ADAMTS9: variants seen among roughly 807,000 people sequenced by gnomAD.
The protein encoded by ADAMTS9 is A disintegrin and metalloproteinase with thrombospondin motifs 9.
ADAMTS9 carries 107 observed loss-of-function variants against 257.1 expected under a neutral mutation model. The observed-to-expected ratio is 0.42, with a 90% confidence interval of 0.36 to 0.49. ADAMTS9 has a LOEUF of 0.49. ADAMTS9 is among the 20% of genes least tolerant of loss of function. The pLI is 0.03. For missense variants in ADAMTS9, 2,353 were observed against 2,469.1 expected (o/e 0.95, Z 1.00); for synonymous variants, 982 against 880.9 (o/e 1.11, Z -2.03).
At chr3:64,604,840 T>C (rs1268168175) in intron 23 of ADAMTS9, among the ~76,000 whole-genome samples, 4 of 152,258 alleles carry the variant, frequency 2.6e-5, no homozygotes, top group Non-Finnish European at 5.9e-5. Context: ...GGCCAATGCC[T>C]GGACTTCATA....
At chr3:64,677,959 A>G (rs1482462474) in intron 3 of ADAMTS9, among the ~76,000 whole-genome samples, 1 of 152,074 alleles carries the variant, frequency 6.6e-6, no homozygotes, top group Non-Finnish European at 1.5e-5. Context: ...TCCCTTTTTA[A>G]CATAAGTTAT....
intron 4 of ADAMTS9, among the ~76,000 whole-genome samples, chr3:64,658,012 G>C (rs1021898274): frequency 3.3e-5 from 5 of 152,138 alleles, no homozygotes; most frequent in Non-Finnish European, 7.4e-5. Context: ...TTCCACAGGT[G>C]ACTATGGTTC....
At chr3:64,538,491 A>C (rs1234439737) in intron 37 of ADAMTS9, among the ~76,000 whole-genome samples, 1 of 151,776 alleles carries the variant, frequency 6.6e-6, no homozygotes, top group Non-Finnish European at 1.5e-5. Context: ...AAAAAAAAAA[A>C]CCTTACCAAT....
rs147410416 is a variant in ADAMTS9 at position 64,566,902 on chromosome 3, A to G, written c.4524+1466T>C. 2.6e-5 allele frequency among the ~76,000 whole-genome samples: 4 copies of G among 152,176 alleles called. 1 individual carries two copies. In the East Asian group the frequency reaches 7.7e-4, roughly 29 times the overall value. Reference sequence around the variant, plus strand: ...TGGAAGTTAACAGATGACAAGGATCACTTAGAAAAACATTAAGAAGGATGA... The same window carrying G: ...TGGAAGTTAACAGATGACAAGGATCGCTTAGAAAAACATTAAGAAGGATGA... On this transcript the variant is annotated intron_variant, in intron 29 of 39. Coordinates refer to ENST00000498707, the MANE Select transcript of ADAMTS9 (RefSeq NM_182920.2).
rs1701932596 is a variant in ADAMTS9, at chr3:64,687,064, C to A, written c.116-96G>T. 1.4e-6 allele frequency: 2 copies of A among 1,423,272 alleles called. No individual in the cohort carries two copies. The highest frequency in any genetic ancestry group is 1.9e-6 in the Non-Finnish European group (2 of 1,051,564). 88.2% of individuals were successfully genotyped at this position (1,423,272 alleles called of 1,614,324 possible). On this transcript the variant is annotated intron_variant, in intron 1 of 39. Transcript: ENST00000498707. This position sits in a 1 kb window ranked among gnomAD's most constrained non-coding sequence, Gnocchi z 4.4. ...GGGGACTTTGTTCTGACCTTATTTT[C>A]CAGCCCATTCGAGTCAATCCCTTCA...
At chr3:64,667,122 G>C (rs1454368029) in intron 3 of ADAMTS9, among the ~76,000 whole-genome samples, 1 of 152,198 alleles carries the variant, frequency 6.6e-6, no homozygotes, top group Non-Finnish European at 1.5e-5. Context: ...GGTGGCAGAA[G>C]AGATTGTGGC....
chr3:64,621,116 C>T lies in ADAMTS9; in HGVS notation c.2811G>A (p.Leu937=), dbSNP rs373590492. The change falls in exon 19 of 40, where the codon CTG becomes CTA. Residue 937 remains leucine (L), a splice_region_variant and synonymous_variant. Coordinates refer to ENST00000498707, the MANE Select transcript of ADAMTS9 (RefSeq NM_182920.2). ...GCCTTGAGAAAACAGTGGCCCACCT[C>T]AGGTCACAGTCTGTACCACAGGGTT... ...ITEPCGTDCD[L]RWHVASRSEC... is the part of the protein sequence containing the mutation. 6.2e-6 allele frequency: 10 copies of T among 1,606,946 alleles called. No homozygotes were observed. Among genetic ancestry groups the T allele is most frequent in the South Asian group, 1.1e-5 (1 of 89,328 alleles).
intron 12 of ADAMTS9, among the ~76,000 whole-genome samples, chr3:64,634,602 C>A (rs1476775397): frequency 1.3e-5 from 2 of 152,172 alleles, no homozygotes; most frequent in Non-Finnish European, 2.9e-5. Flanking sequence ...ATGTATATTC[C>A]AGATGTGATC....
intron 23 of ADAMTS9, among the ~76,000 whole-genome samples, chr3:64,606,738 A>G (rs1018003417): frequency 6.6e-6 from 1 of 152,212 alleles, no homozygotes; most frequent in Non-Finnish European, 1.5e-5. Flanking sequence ...AATAGGAATC[A>G]AAAGCAAATC....
intron 28 of ADAMTS9, among the ~76,000 whole-genome samples, chr3:64,584,961 T>C (rs2084109985): frequency 1.3e-5 from 2 of 152,214 alleles, no homozygotes; most frequent in South Asian, 4.1e-4. Context: ...TTCTTTTTAA[T>C]GATTCCCTTC....
At position 64,631,366 on chromosome 3, in the gene ADAMTS9, G is replaced by C. The variant is rs6768487; in HGVS notation, c.2389+89C>G. On this transcript the variant is annotated intron_variant, in intron 16 of 39. Coordinates refer to ENST00000498707, the MANE Select transcript of ADAMTS9 (RefSeq NM_182920.2). ...AAAATCCATGACATCTGAAAGCTCT[G>C]CCTCTGCATGCCAGAGAAGGAAGGA... 486,457 of 1,035,592 alleles carry C rather than the reference G, an allele frequency of 0.47. 117,745 individuals carry two copies. Among genetic ancestry groups the C allele is most frequent in the African/African-American group, 0.75 (47,648 of 63,308 alleles). The allele number at this position is 1,035,592 out of a possible 1,614,324, so 64.2% of individuals were successfully genotyped here.
Position 64,687,860 on chromosome 3 carries a change from T to C in ADAMTS9, c.-203A>G. On this transcript the variant is annotated 5_prime_UTR_variant, in exon 1 of 40. Coordinates refer to ENST00000498707, the MANE Select transcript of ADAMTS9 (RefSeq NM_182920.2). The surrounding 1 kb of genome is among the most constrained non-coding windows in gnomAD (Gnocchi z 4.4). ...AGCAACGCCGCCGCCTGCCGAGAGC[T>C]GAGCCGCTCGGGCCGCAGGAGGAGC... The C allele has an allele frequency of 2.3e-6, 1 of 438,930 alleles. No individual in the cohort carries two copies. Among genetic ancestry groups the C allele is most frequent in the Non-Finnish European group, 4.1e-6 (1 of 243,246 alleles). The allele number at this position is 438,930 out of a possible 1,614,324, so 27.2% of individuals were successfully genotyped here.
At chr3:64,596,746 C>G (rs2084371526) in intron 27 of ADAMTS9, 84 bp downstream of exon 27, 2 of 1,534,478 alleles carry the variant, frequency 1.3e-6, no homozygotes, top group African/African-American at 2.7e-5. Context: ...GCTAGTTCTT[C>G]TCCTTGAAAA....
intron 4 of ADAMTS9, among the ~76,000 whole-genome samples, chr3:64,658,281 T>G (rs1459918856): frequency 6.6e-6 from 1 of 152,206 alleles, no homozygotes; most frequent in Admixed American, 6.5e-5. Flanking sequence ...ACCTTTTAAG[T>G]AAGAAGCACA....
chr3:64,671,825 A>G (rs1701497725), intron 3 of ADAMTS9, among the ~76,000 whole-genome samples: 1 of 152,240 alleles, frequency 6.6e-6, no homozygotes, highest in Non-Finnish European at 1.5e-5. Context: ...TATCTGGTCC[A>G]CAGGTAAAAA....
At chr3:64,638,456 A>T (rs1378974947) in intron 12 of ADAMTS9, among the ~76,000 whole-genome samples, 1 of 152,184 alleles carries the variant, frequency 6.6e-6, no homozygotes, top group Non-Finnish European at 1.5e-5. Flanking sequence ...GTGACCGTGT[A>T]ATTAATTGCC....
Position 64,633,557 on chromosome 3 carries a change from G to A in ADAMTS9, c.2090C>T (p.Ala697Val). The part of the protein sequence containing the change: ...KLFCRVAGNT[A>V]YYQLRDRVID... ...CACTCTGTCTCGAAGCTGATAGTAG[G>A]CTGTGTTCCCTGCCACTCTGCAGAA... Residue 697 changes from alanine to valine, a missense_variant, in exon 14 of 40, where the codon GCC (alanine) becomes GTC (valine). Transcript: ENST00000498707. 1 of 1,614,066 alleles carries A rather than the reference G, an allele frequency of 6.2e-7. No homozygotes were observed. Among genetic ancestry groups the A allele is most frequent in the Non-Finnish European group, 8.5e-7 (1 of 1,180,012 alleles).
chr3:64,615,629 A>G, intron 20 of ADAMTS9, 144 bp from the exon 21 acceptor site: 2 of 921,788 alleles, frequency 2.2e-6, no homozygotes, highest in South Asian at 3.7e-5. Context: ...AGATCTTTTC[A>G]TGTTATCAGT....
intron 32 of ADAMTS9, among the ~76,000 whole-genome samples, chr3:64,543,166 C>T (rs1429785090): frequency 1.3e-5 from 2 of 151,304 alleles, no homozygotes; most frequent in Non-Finnish European, 2.9e-5. Context: ...GACAGATTCA[C>T]AGCCGAATTC....
Sources: gnomAD v4.1 joint callset for allele counts (sites outside exome capture counted in the v4.1 genomes callset) on GRCh38, gnomAD v4.1.1 for gene constraint, Gnocchi (gnomAD v3.1) non-coding constraint, MANE v1.5 for transcripts, NCBI Gene and HGNC (gene_info 2026-07-23, HGNC 2026-07-21) for gene names.